Variants in MKRN2OS observed in about 807,000 individuals in gnomAD.
MKRN2OS encodes MKRN2 opposite strand, also known as MKRN2 opposite strand protein.
MKRN2OS carries 17 observed loss-of-function variants against 18.2 expected under a neutral mutation model. That is an observed-to-expected ratio of 0.93 (90% confidence interval 0.64 to 1.40). The LOEUF (loss-of-function observed/expected upper bound fraction) is 1.40, where lower values mean the gene tolerates loss of function less well. Ranked by LOEUF, MKRN2OS falls within the 40% of genes most tolerant of loss-of-function variation. The pLI is 0.00. For synonymous variants in MKRN2OS, 121 were observed against 108.5 expected, an observed-to-expected ratio of 1.12 and a Z score of -0.72; for missense variants, 337 against 283.0, an observed-to-expected ratio of 1.19 and a Z score of -1.37.
chr3:12,557,212 C>G lies in MKRN2OS; in HGVS notation n.265-3078G>C, dbSNP rs1259818842. The G allele has an allele frequency of 3.3e-6, 5 of 1,529,850 alleles. No individual in the cohort carries two copies. In the South Asian group the frequency reaches 6.1e-5, roughly 19 times the overall value. 94.8% of individuals were successfully genotyped at this position (1,529,850 alleles called of 1,614,324 possible). A position where few individuals can be genotyped will look rare whatever the true frequency, so the allele number is the denominator to read the frequency against. ...TGGAGCCAGGAGCTTCGGGCCGCTC[C>G]CCCAGGCCGCAGGGGGGCCGGTGCG... On this transcript the variant is annotated intron_variant and non_coding_transcript_variant, in intron 1 of 1. Transcript: ENST00000447550.
Position 12,543,186 on chromosome 3 carries a change from T to C in MKRN2OS, c.262A>G (p.Thr88Ala). 9 of 1,535,940 alleles carry C rather than the reference T, an allele frequency of 5.9e-6. No homozygotes were observed. The highest frequency in any genetic ancestry group is 7.0e-6 in the Non-Finnish European group (8 of 1,146,770). The change falls in exon 2 of 4, where the codon ACA becomes GCA. Residue 88 changes from threonine to alanine, a missense_variant. Physicochemically the swap from Thr to Ala is moderately conservative, Grantham distance 58 (BLOSUM62 0). Coordinates refer to ENST00000564146, the MANE Select transcript of MKRN2OS (RefSeq NM_001195279.2). ...GCTACAAAACTGCACTTACCATTTG[T>C]GTTAGTTATTCCAACATGAAGATCA... is the stretch of plus-strand genomic sequence containing the variant. ...RSDLHVGITN[T>A]NGVVYNYSAH...
chr3:12,541,642 A>G lies in MKRN2OS; in HGVS notation c.431+218T>C, dbSNP rs537502782. 4.1e-4 allele frequency among the ~76,000 whole-genome samples: 63 copies of G among 152,250 alleles called. 1 individual carries two copies. Among genetic ancestry groups the G allele is most frequent in the African/African-American group, 8.2e-4 (34 of 41,534 alleles). On this transcript the variant is annotated intron_variant, in intron 3 of 3. Transcript: ENST00000564146. ...GGTTCTAGACCTTTCAGCTCTTACA[A>G]CGCTGTGATTTTGTTGTATGTGTAT...
intron 1 of MKRN2OS, among the ~76,000 whole-genome samples, chr3:12,544,565 A>C (rs1199459052): frequency 1.3e-5 from 2 of 150,878 alleles, no homozygotes; most frequent in Non-Finnish European, 2.9e-5. Flanking sequence ...AATCCCAGCT[A>C]CTCGGGAGCC....
At chr3:12,557,264 A>G in intron 1 of MKRN2OS, 1 of 1,477,626 alleles carries the variant, frequency 6.8e-7, no homozygotes, top group South Asian at 1.3e-5. Context: ...CGGGAACCTG[A>G]GGCTAGAGCG....
At chr3:12,555,244 G>A (rs1402565334) in intron 1 of MKRN2OS, among the ~76,000 whole-genome samples, 2 of 150,212 alleles carry the variant, frequency 1.3e-5, no homozygotes, top group Non-Finnish European at 2.9e-5. Context: ...CACGGGAGGT[G>A]GAGGTTGCAG....
chr3:12,540,161 C>T lies in MKRN2OS; in HGVS notation c.*32G>A. 6.5e-7 allele frequency: 1 copy of T among 1,535,764 alleles called. No homozygotes were observed. Among genetic ancestry groups the T allele is most frequent in the Non-Finnish European group, 8.7e-7 (1 of 1,146,690 alleles). On this transcript the variant is annotated 3_prime_UTR_variant, in exon 4 of 4. Coordinates refer to ENST00000564146, the MANE Select transcript of MKRN2OS (RefSeq NM_001195279.2). Reference sequence around the variant, plus strand: ...TGATTAAAGGTAGCAACCACCCTACCCTCCAGCGTCCAGGCTGCGCTTACA... The same window carrying T: ...TGATTAAAGGTAGCAACCACCCTACTCTCCAGCGTCCAGGCTGCGCTTACA...
chr3:12,557,103 C>A, intron 1 of MKRN2OS: 1 of 1,488,350 alleles, frequency 6.7e-7, no homozygotes, highest in Non-Finnish European at 8.9e-7. Context: ...GAGGCGGCAG[C>A]GGCTGCGAGA....
At chr3:12,546,346 G>A (rs1475882424), upstream of MKRN2OS, among the ~76,000 whole-genome samples, 5 of 152,098 alleles carry the variant, frequency 3.3e-5, no homozygotes, top group Non-Finnish European at 7.3e-5. Context: ...AAGGATAGCG[G>A]TTACAGGAGG....
At chr3:12,546,719 A>C (rs2057888037), upstream of MKRN2OS, among the ~76,000 whole-genome samples, 2 of 151,452 alleles carry the variant, frequency 1.3e-5, no homozygotes, top group Non-Finnish European at 2.9e-5. Flanking sequence ...CTGGGATTAC[A>C]GGTGCCCGCC....
chr3:12,540,276 G>A lies in MKRN2OS; in HGVS notation c.589C>T (p.Arg197Trp), dbSNP rs778906322. 31 of 1,535,984 alleles carry A rather than the reference G, an allele frequency of 2.0e-5. No homozygotes were observed. Among genetic ancestry groups the A allele is most frequent in the East Asian group, 4.9e-5 (2 of 40,930 alleles). The change falls in exon 4 of 4, where the codon CGG becomes TGG. Residue 197 changes from arginine to tryptophan, a missense_variant. Coordinates refer to ENST00000564146, the MANE Select transcript of MKRN2OS (RefSeq NM_001195279.2). Reference protein sequence around the residue: ...RLASKFITLYRAIREHGFYVT... With the variant: ...RLASKFITLYWAIREHGFYVT... ...TAGAAGCCATGCTCCCGTATCGCCC[G>A]GTAGAGTGTGATGAACTTGGATGCC...
chr3:12,542,712 A>AC (rs2057831290), intron 2 of MKRN2OS, among the ~76,000 whole-genome samples: 9 of 44,404 alleles, frequency 2.0e-4, no homozygotes, highest in Non-Finnish European at 4.0e-4. Flanking sequence ...CACTTTCCTT[A>AC]AAAAAAAAAA....
rs1460609394 is a variant in MKRN2OS at position 12,540,838 on chromosome 3, T to TA, written c.432-406dup. On this transcript the variant is annotated intron_variant, in intron 3 of 3. Coordinates refer to ENST00000564146, the MANE Select transcript of MKRN2OS (RefSeq NM_001195279.2). ...GCAGTAAGCCAAGATCGCACCACTG[T>TA]ACTCCAGCCTGGGTGACAGAGTGAG... is the stretch of plus-strand genomic sequence containing the variant. Among the ~76,000 whole-genome samples the TA allele has an allele frequency of 4.4e-5, 6 of 137,708 alleles. No homozygotes were observed. The Admixed American group carries it at 4.8e-4, about 11-fold the overall frequency. The allele number at this position is 137,708 out of a possible 152,430, so 90.3% of individuals were successfully genotyped here.
chr3:12,544,924 A>C (rs73126375), intron 1 of MKRN2OS, among the ~76,000 whole-genome samples: 1,835 of 152,332 alleles, frequency 0.012, 28 homozygotes, highest in African/African-American at 0.042. Context: ...ACTGACAGTA[A>C]AGGTATTATT....
At chr3:12,551,970 A>G (rs902277890), downstream of MKRN2OS, among the ~76,000 whole-genome samples, 1 of 152,116 alleles carries the variant, frequency 6.6e-6, no homozygotes, top group Non-Finnish European at 1.5e-5. Flanking sequence ...TCAAGATGAT[A>G]CATTTAAATC....
At chr3:12,547,115 A>G (rs947990678), upstream of MKRN2OS, among the ~76,000 whole-genome samples, 1 of 152,014 alleles carries the variant, frequency 6.6e-6, no homozygotes, top group African/African-American at 2.4e-5. Context: ...CTCTAAATAA[A>G]TAAATAAATA....
intron 1 of MKRN2OS, among the ~76,000 whole-genome samples, chr3:12,559,148 G>T (rs1008281479): frequency 2.6e-5 from 4 of 152,184 alleles, no homozygotes; most frequent in Non-Finnish European, 5.9e-5. Flanking sequence ...TCACAAAAGG[G>T]TGTAAAGGAG....
intron 3 of MKRN2OS, among the ~76,000 whole-genome samples, chr3:12,540,920 G>C (rs897428210): frequency 6.7e-6 from 1 of 149,230 alleles, no homozygotes; most frequent in Non-Finnish European, 1.5e-5. Context: ...GGGATGCTTG[G>C]TCTCTTGGGC....
intron 1 of MKRN2OS, among the ~76,000 whole-genome samples, chr3:12,556,193 G>A (rs2057968741): frequency 6.6e-6 from 1 of 152,076 alleles, no homozygotes; most frequent in African/African-American, 2.4e-5. Flanking sequence ...CCAGTTAAAA[G>A]GCTATCGCAT....
upstream of MKRN2OS, among the ~76,000 whole-genome samples, chr3:12,546,820 C>G (rs1246094384): frequency 2.6e-5 from 4 of 152,094 alleles, no homozygotes; most frequent in Admixed American, 6.6e-5. Context: ...TCAGGTGATC[C>G]TGCTGCCTCA....
Sources: gnomAD v4.1 joint callset for allele counts (sites outside exome capture counted in the v4.1 genomes callset) on GRCh38, gnomAD v4.1.1 for gene constraint, MANE v1.5 for transcripts, NCBI Gene and HGNC (gene_info 2026-07-23, HGNC 2026-07-21) for gene names.